Variants in COL4A1 observed in about 807,000 individuals in gnomAD.
COL4A1 encodes the protein collagen alpha-1(IV) chain.
In COL4A1, 40 loss-of-function variants were observed where a neutral mutation model predicts 216.6. That is an observed-to-expected ratio of 0.18 (90% CI 0.14 to 0.24). The LOEUF is 0.24. Among genes scored for constraint, COL4A1 ranks in the 10% least tolerant of loss-of-function variants. The pLI is 1.00. For synonymous variants in COL4A1, 839 were observed against 810.7 expected, an observed-to-expected ratio of 1.03 and a Z score of -0.59; for missense variants, 1,628 against 2,196.8, an observed-to-expected ratio of 0.74 and a Z score of 5.18.
At chr13:110,181,798 A>G (rs1449158656) in intron 28 of COL4A1, among the ~76,000 whole-genome samples, 1 of 152,114 alleles carries the variant, frequency 6.6e-6, no homozygotes, top group Non-Finnish European at 1.5e-5. Flanking sequence ...AGGGGTCTAT[A>G]AGGCAGGCCC....
intron 1 of COL4A1, among the ~76,000 whole-genome samples, chr13:110,257,653 T>C (rs1882637777): frequency 6.6e-6 from 1 of 152,170 alleles, no homozygotes; most frequent in Non-Finnish European, 1.5e-5. Flanking sequence ...CTGTACAAGG[T>C]CAGTGCATGT....
intron 1 of COL4A1, among the ~76,000 whole-genome samples, chr13:110,260,906 G>A (rs1826157461): frequency 6.6e-6 from 1 of 151,914 alleles, no homozygotes. Context: ...GTGCGGTGGA[G>A]GGCACCTGTA....
At position 110,213,906 on chromosome 13, in the gene COL4A1, A is replaced by T; in HGVS notation, c.234+20T>A. ...GGCAATCTTACATCCACCCACCCCC[A>T]ATCCCACAGCCGTGCTTACCTTTTG... On this transcript the variant is annotated intron_variant, in intron 3 of 51. Coordinates refer to ENST00000375820, the MANE Select transcript of COL4A1 (RefSeq NM_001845.6). 1 of 1,613,366 alleles carries T rather than the reference A, an allele frequency of 6.2e-7. No individual in the cohort carries two copies. The highest frequency in any genetic ancestry group is 8.5e-7 in the Non-Finnish European group (1 of 1,179,620).
intron 1 of COL4A1, among the ~76,000 whole-genome samples, chr13:110,302,730 C>G (rs1210098757): frequency 6.6e-6 from 1 of 152,206 alleles, no homozygotes; most frequent in Non-Finnish European, 1.5e-5. Context: ...TGGTTGACAT[C>G]CCTTTTCATT....
At position 110,268,918 on chromosome 13, in the gene COL4A1, C is replaced by G. The variant is rs1490966340; in HGVS notation, c.85-26184G>C. Among the ~76,000 whole-genome samples the G allele has an allele frequency of 6.6e-6, 1 of 152,178 alleles. No homozygotes were observed. The highest frequency in any genetic ancestry group is 1.9e-4 in the East Asian group (1 of 5,190). On this transcript the variant is annotated intron_variant, in intron 1 of 51. Transcript: ENST00000375820. The surrounding 1 kb of genome is among the most constrained non-coding windows in gnomAD (Gnocchi z 4.1). The stretch of plus-strand genomic sequence containing the variant: ...AAGGAGGAGGGAGTGGGAACACCAC[C>G]TTCCAGAGCCCAGCAGAGGAGGCCA...
At chr13:110,266,497 AAACTCATCTAGCAAAAG>A (rs1883042154) in intron 1 of COL4A1, among the ~76,000 whole-genome samples, 2 of 152,170 alleles carry the variant, frequency 1.3e-5, no homozygotes, top group African/African-American at 4.8e-5. Context: ...TTAAAACTCA[AAACTCATCTAGCAAAAG>A]AACAGCAGCC....
In COL4A1 at chr13:110,173,965, G is replaced by C. The variant is rs1273900911; in HGVS notation, c.3440C>G (p.Ala1147Gly). ...LPGTPGPTGP[A>G]GQKGEPGSDG... ...ACTGCCTGGCTCCCCTTTCTGGCCA[G>C]CTGGGCCTGTGGGGCCAGGAGTCCC... The change falls in exon 40 of 52, where the codon GCT (alanine) becomes GGT (glycine). Residue 1147 changes from alanine to glycine, a missense_variant. By Grantham distance (60) the Ala-to-Gly change is moderately conservative. Coordinates refer to ENST00000375820, the MANE Select transcript of COL4A1 (RefSeq NM_001845.6). 3 of 1,614,190 alleles carry C rather than the reference G, an allele frequency of 1.9e-6. No individual in the cohort carries two copies. The highest frequency in any genetic ancestry group is 2.5e-6 in the Non-Finnish European group (3 of 1,180,036).
At position 110,192,201 on chromosome 13, in the gene COL4A1, C is replaced by T. The variant is rs1306987771; in HGVS notation, c.1536+13G>A. 8 of 1,614,048 alleles carry T rather than the reference C, an allele frequency of 5.0e-6. No individual in the cohort carries two copies. Among genetic ancestry groups the T allele is most frequent in the Non-Finnish European group, 5.1e-6 (6 of 1,179,888 alleles). The stretch of plus-strand genomic sequence containing the variant: ...CTTCTGATATGTACATGAACTCAGA[C>T]AGGTTTACTTACTGGCACTCCTGCA... On this transcript the variant is annotated intron_variant, in intron 24 of 51. Transcript: ENST00000375820.
intron 43 of COL4A1, 49 bp downstream of exon 43, chr13:110,169,580 G>A (rs769326079): frequency 1.9e-6 from 3 of 1,610,118 alleles, no homozygotes; most frequent in South Asian, 1.1e-5. Context: ...AATACTTCTG[G>A]CCAGAAAAGA....
At chr13:110,161,101 G>GT in intron 49 of COL4A1, 91 bp downstream of exon 49, 2 of 1,359,998 alleles carry the variant, frequency 1.5e-6, no homozygotes, top group Non-Finnish European at 2.1e-6. Flanking sequence ...TGGATTCAAC[G>GT]TTTTGGAGAA....
At chr13:110,291,114 C>T (rs1409155597) in intron 1 of COL4A1, among the ~76,000 whole-genome samples, 1 of 152,182 alleles carries the variant, frequency 6.6e-6, no homozygotes, top group Admixed American at 6.5e-5. Flanking sequence ...CTCACCTGTC[C>T]GAGAACACTG....
intron 2 of COL4A1, among the ~76,000 whole-genome samples, chr13:110,235,903 A>G (rs1881297007): frequency 6.6e-6 from 1 of 152,192 alleles, no homozygotes; most frequent in South Asian, 2.1e-4. Flanking sequence ...TGTGTAAATT[A>G]GAGGAAAGAT....
Position 110,174,752 on chromosome 13 carries a change from G to GC in COL4A1, c.3199-4dup, listed in dbSNP as rs1877803126. 5.0e-6 allele frequency: 8 copies of GC among 1,612,930 alleles called. No individual in the cohort carries two copies. The highest frequency in any genetic ancestry group is 6.8e-6 in the Non-Finnish European group (8 of 1,179,060). On this transcript the variant is annotated splice_polypyrimidine_tract_variant and splice_region_variant and intron_variant, in intron 37 of 51. Transcript: ENST00000375820. Reference sequence around the variant, plus strand: ...AAACCCGCTATCCCTTGATCTCCCTGCAAGTAAAAGTCAGGCATATTAACT... The same window carrying GC: ...AAACCCGCTATCCCTTGATCTCCCTGCCAAGTAAAAGTCAGGCATATTAACT...
chr13:110,285,014 G>C (rs1199074184), intron 1 of COL4A1, among the ~76,000 whole-genome samples: 1 of 152,232 alleles, frequency 6.6e-6, no homozygotes, highest in African/African-American at 2.4e-5. Flanking sequence ...TCTGTAGCGA[G>C]GCACATGCCC....
At chr13:110,225,365 C>T (rs1327916711) in intron 2 of COL4A1, among the ~76,000 whole-genome samples, 1 of 152,220 alleles carries the variant, frequency 6.6e-6, no homozygotes, top group Non-Finnish European at 1.5e-5. Flanking sequence ...GGGTGGATCA[C>T]CTGAGGTCAG....
At chr13:110,261,745 G>A (rs1041663225) in intron 1 of COL4A1, among the ~76,000 whole-genome samples, 3 of 152,218 alleles carry the variant, frequency 2.0e-5, no homozygotes, top group Non-Finnish European at 4.4e-5. Context: ...GGGAAGCCGC[G>A]CAGGGGCAGG....
chr13:110,158,279 G>T (rs1876886783), intron 49 of COL4A1, among the ~76,000 whole-genome samples: 1 of 152,224 alleles, frequency 6.6e-6, no homozygotes, highest in South Asian at 2.1e-4. Flanking sequence ...TTTAATGTAA[G>T]GGGATCAAAG....
In COL4A1 at chr13:110,166,248, G is replaced by T; in HGVS notation, c.4005C>A (p.Gly1335=). The part of the protein sequence containing the change: ...QGIKGDQGDQ[G]VPGAKGLPGP... Reference sequence around the variant, plus strand: ...CTCTCCTACCTTTAGCTCCCGGGACGCCTTGATCGCCTTGATCACCTTTAA... The same window carrying T: ...CTCTCCTACCTTTAGCTCCCGGGACTCCTTGATCGCCTTGATCACCTTTAA... Residue 1335 remains glycine (G), a synonymous_variant, in exon 45 of 52, where the codon GGC becomes GGA. Transcript: ENST00000375820. The T allele has an allele frequency of 6.2e-7, 1 of 1,607,692 alleles. No individual in the cohort carries two copies. The highest frequency in any genetic ancestry group is 8.5e-7 in the Non-Finnish European group (1 of 1,174,104).
chr13:110,219,892 GTA>G (rs1288792940), intron 2 of COL4A1, among the ~76,000 whole-genome samples: 14 of 139,678 alleles, frequency 1.0e-4, no homozygotes, highest in African/African-American at 2.2e-4. Flanking sequence ...ATATATGTGT[GTA>G]TATATATGTA....
Sources: gnomAD v4.1 joint callset for allele counts (sites outside exome capture counted in the v4.1 genomes callset) on GRCh38, gnomAD v4.1.1 for gene constraint, Gnocchi (gnomAD v3.1) non-coding constraint, MANE v1.5 for transcripts, NCBI Gene and HGNC (gene_info 2026-07-23, HGNC 2026-07-21) for gene names.